Variants in TNNT3 observed in about 807,000 individuals in gnomAD.
TNNT3 encodes troponin T, fast skeletal muscle.
In TNNT3, 36 loss-of-function variants were observed where a neutral mutation model predicts 54.2. The observed-to-expected ratio is 0.66, with a 90% CI of 0.51 to 0.88. The LOEUF (loss-of-function observed/expected upper bound fraction) is 0.88, where lower values mean the gene tolerates loss of function less well. Among genes scored for constraint, TNNT3 ranks in the 40% least tolerant of loss-of-function variants. The probability of loss-of-function intolerance (pLI) is 0.00; values close to 1 mark genes in which losing one functional copy is unlikely to be tolerated. For synonymous variants in TNNT3, 120 were observed against 109.7 expected (o/e 1.09, Z -0.59); for missense variants, 291 against 331.6 (o/e 0.88, Z 0.95).
chr11:1,921,348 C>G (rs956095573), intron 1 of TNNT3: 2 of 152,280 alleles, frequency 1.3e-5, no homozygotes, highest in African/African-American at 2.4e-5. Flanking sequence ...CACTGACCCT[C>G]CTCCTCCTTA....
chr11:1,925,037 G>A (rs1564801987), intron 4 of TNNT3, 62 bp from the exon 5 acceptor site: 5 of 1,597,048 alleles, frequency 3.1e-6, no homozygotes, highest in Admixed American at 1.7e-5. Flanking sequence ...TCTGATCACT[G>A]TCTCTGTTCC....
At chr11:1,930,110 G>C (rs774903606) in intron 8 of TNNT3, among the ~76,000 whole-genome samples, 1 of 152,196 alleles carries the variant, frequency 6.6e-6, no homozygotes, top group African/African-American at 2.4e-5. Context: ...AGGCCCAGCA[G>C]GGTGTGATTT....
chr11:1,926,425 C>A, intron 5 of TNNT3: 1 of 1,613,004 alleles, frequency 6.2e-7, no homozygotes, highest in Non-Finnish European at 8.5e-7. Context: ...TGACCTCTGA[C>A]CCGCGGTTTT....
rs140426224 is a variant in TNNT3 at position 1,930,794 on chromosome 11, T to C, written c.125+966T>C. Among the ~76,000 whole-genome samples the C allele has an allele frequency of 4.0e-3, 613 of 152,324 alleles. 4 individuals are homozygous for C. The highest frequency in any genetic ancestry group is 0.014 in the African/African-American group (574 of 41,562). On this transcript the variant is annotated intron_variant, in intron 8 of 15. Transcript: ENST00000278317. ...TCAGTGATTTTAAGTACAGTAATGC[T>C]GGATCATGAGATATTTTCTCATTTT...
intron 6 of TNNT3, chr11:1,928,070 T>G (rs72846733): frequency 0.17 from 26,211 of 153,048 alleles, 2,391 homozygotes; most frequent in Middle Eastern, 0.21. Flanking sequence ...CAAGGACCAG[T>G]GCACCCCAGG....
In TNNT3 at chr11:1,924,086, G is replaced by T. The variant is rs182594426; in HGVS notation, c.49+514G>T. Among the ~76,000 whole-genome samples the T allele has an allele frequency of 8.5e-5, 13 of 152,138 alleles. No individual in the cohort carries two copies. The East Asian group carries it at 2.5e-3, about 29-fold the overall frequency. Reference sequence around the variant, plus strand: ...TATCTCTCAGCTTCTCTCTGTCTCTGTATCTTTCAGCCTCTTGGTCTCTGT... The same window carrying T: ...TATCTCTCAGCTTCTCTCTGTCTCTTTATCTTTCAGCCTCTTGGTCTCTGT... On this transcript the variant is annotated intron_variant, in intron 4 of 15. Coordinates refer to ENST00000278317, the MANE Select transcript of TNNT3 (RefSeq NM_006757.4).
chr11:1,936,820 A>G (rs917984251), intron 14 of TNNT3, 143 bp from the exon 15 acceptor site: 1 of 808,516 alleles, frequency 1.2e-6, no homozygotes, highest in African/African-American at 1.7e-5. Context: ...AGGAGACAGT[A>G]AGGGAGCCGA....
At chr11:1,935,975 T>C (rs1378417815) in intron 14 of TNNT3, among the ~76,000 whole-genome samples, 1 of 152,136 alleles carries the variant, frequency 6.6e-6, no homozygotes, top group African/African-American at 2.4e-5. Flanking sequence ...GACCTCACCC[T>C]TGGGGCTCTC....
intron 6 of TNNT3, among the ~76,000 whole-genome samples, chr11:1,927,225 C>G (rs764719512): frequency 6.6e-6 from 1 of 152,180 alleles, no homozygotes; most frequent in African/African-American, 2.4e-5. Flanking sequence ...GCTGGGGACC[C>G]GGAACAGCCA....
Position 1,934,547 on chromosome 11 carries a change from C to G in TNNT3, c.482C>G (p.Ala161Gly). Residue 161 changes from alanine (A) to glycine (G), a missense_variant and splice_region_variant, in exon 13 of 16, where the codon GCT (alanine) becomes GGT (glycine). Ala to Gly is a moderately conservative substitution (Grantham distance 60, BLOSUM62 0). Coordinates refer to ENST00000278317, the MANE Select transcript of TNNT3 (RefSeq NM_006757.4). ...TCTCTTTGGGCCTGTCCGCTGCAGGCTGACCAGAAGAGAGGCAAGAAGCAG... is the reference window on the plus strand; with the variant it reads ...TCTCTTTGGGCCTGTCCGCTGCAGGGTGACCAGAAGAGAGGCAAGAAGCAG... ...GANYSSYLAK[A>G]DQKRGKKQTA... The G allele has an allele frequency of 6.2e-7, 1 of 1,608,972 alleles. No homozygotes were observed. Among genetic ancestry groups the G allele is most frequent in the Non-Finnish European group, 8.5e-7 (1 of 1,178,018 alleles).
At chr11:1,930,678 G>A (rs1853114691) in intron 8 of TNNT3, among the ~76,000 whole-genome samples, 1 of 152,164 alleles carries the variant, frequency 6.6e-6, no homozygotes, top group Admixed American at 6.5e-5. Context: ...CTCACTGTTG[G>A]CTCCCACTTG....
Position 1,925,014 on chromosome 11 carries a change from G to A in TNNT3, c.50-85G>A, listed in dbSNP as rs560189704. Reference sequence around the variant, plus strand: ...CGGCCAGCCGGCCTCCTGTCCTTGCGGCCTGAGTACACTCTGATCACTGTC... The same window carrying A: ...CGGCCAGCCGGCCTCCTGTCCTTGCAGCCTGAGTACACTCTGATCACTGTC... On this transcript the variant is annotated intron_variant, in intron 4 of 15. Transcript: ENST00000278317. The A allele has an allele frequency of 4.6e-5, 70 of 1,527,322 alleles. No individual in the cohort carries two copies. In the Middle Eastern group the frequency reaches 7.0e-4, roughly 15 times the overall value. 94.6% of individuals were successfully genotyped at this position (1,527,322 alleles called of 1,614,324 possible). A position where few individuals can be genotyped will look rare whatever the true frequency, so the allele number is the denominator to read the frequency against.
At position 1,926,724 on chromosome 11, in the gene TNNT3, C is replaced by T. The variant is rs1851712849; in HGVS notation, c.82+15C>T. The T allele has an allele frequency of 1.9e-6, 3 of 1,613,316 alleles. No homozygotes were observed. The highest frequency in any genetic ancestry group is 2.2e-5 in the East Asian group (1 of 44,884). ...AGTTCAAGAAGGTACGCCGGCGCTC[C>T]CCCGCCTCCAGGCCAGAGTCTCCGT... On this transcript the variant is annotated intron_variant, in intron 6 of 15. Transcript: ENST00000278317.
chr11:1,933,465 C>T (rs952132471), intron 9 of TNNT3, among the ~76,000 whole-genome samples: 12 of 152,232 alleles, frequency 7.9e-5, no homozygotes, highest in African/African-American at 2.7e-4. Context: ...CCTAAGGATG[C>T]TGAGGACCTT....
chr11:1,938,249 C>A lies in TNNT3; in HGVS notation c.723-189C>A. 4.4e-6 allele frequency: 3 copies of A among 676,576 alleles called. No homozygotes were observed. In the South Asian group the frequency reaches 4.9e-5, roughly 11 times the overall value. The allele number at this position is 676,576 out of a possible 1,614,324, so 41.9% of individuals were successfully genotyped here. A position where few individuals can be genotyped will look rare whatever the true frequency, so the allele number is the denominator to read the frequency against. ...GCCAGCCCCCTAACCACACTAACGA[C>A]CTAGGCCCGCCAGGCACAGGTGAGT... On this transcript the variant is annotated intron_variant, in intron 15 of 15. Coordinates refer to ENST00000278317, the MANE Select transcript of TNNT3 (RefSeq NM_006757.4).
At chr11:1,922,919 T>G (rs770554929) in intron 2 of TNNT3, 28 bp downstream of exon 2, 1 of 1,613,818 alleles carries the variant, frequency 6.2e-7, no homozygotes, top group South Asian at 1.1e-5. Context: ...GGCTGCCCCC[T>G]GCCTGGCTCG....
At chr11:1,919,643 G>C (rs1262714856), upstream of TNNT3, 3 of 152,324 alleles carry the variant, frequency 2.0e-5, no homozygotes, top group African/African-American at 7.2e-5. Context: ...CCAGTCACTG[G>C]CCAATGGGCT....
At chr11:1,923,008 CCTCT>C in intron 2 of TNNT3, 36 bp from the exon 3 acceptor site, 3 of 1,613,372 alleles carry the variant, frequency 1.9e-6, no homozygotes, top group Non-Finnish European at 2.5e-6. Context: ...AGCCTCACTA[CCTCT>C]CTCTCTTTCT....
chr11:1,936,227 G>T, intron 14 of TNNT3: 1 of 1,613,896 alleles, frequency 6.2e-7, no homozygotes. Context: ...ATGAATGTCC[G>T]GGCCAGAGTG....
Sources: allele counts gnomAD v4.1 joint callset (sites outside exome capture counted in the v4.1 genomes callset), GRCh38; gene constraint gnomAD v4.1.1; transcripts MANE v1.5; gene names NCBI Gene and HGNC (gene_info 2026-07-23, HGNC 2026-07-21).